The following MRPL16 variants were observed in gnomAD, a reference collection of about 807,000 sequenced individuals.
MRPL16 encodes the protein mitochondrial ribosomal protein L16.
MRPL16 carries 17 observed loss-of-function variants against 22.7 expected under a neutral mutation model. The ratio of observed to expected loss-of-function variants is 0.75; its 90% CI spans 0.51 to 1.12. The LOEUF is 1.12. Ranked by LOEUF, MRPL16 falls within the 50% of genes most tolerant of loss-of-function variation. The probability of loss-of-function intolerance (pLI) is 0.00; values close to 1 mark genes in which losing one functional copy is unlikely to be tolerated. For synonymous variants in MRPL16, 103 were observed against 112.8 expected (o/e 0.91, Z 0.55); for missense variants, 316 against 328.7 (o/e 0.96, Z 0.30).
chr11:59,808,224 T>C (rs569988452), intron 2 of MRPL16, among the ~76,000 whole-genome samples: 1 of 152,370 alleles, frequency 6.6e-6, no homozygotes, highest in East Asian at 1.9e-4. Flanking sequence ...AGCAAAGTTT[T>C]ATCCTCTGAA....
intron 1 of MRPL16, 142 bp downstream of exon 1, chr11:59,810,462 G>C: frequency 6.7e-7 from 1 of 1,491,500 alleles, no homozygotes; most frequent in Non-Finnish European, 9.0e-7. Flanking sequence ...CTACGGTGGA[G>C]GTCGGCGGTG....
Position 59,806,189 on chromosome 11 carries a change from T to A in MRPL16, c.*158A>T. On this transcript the variant is annotated 3_prime_UTR_variant, in exon 4 of 4. Transcript: ENST00000300151. ...TTTAATAAAAATACAGTTTTCTTTT[T>A]AAATCAACAAATAACATTGTTTTTC... is the stretch of plus-strand genomic sequence containing the variant. 1.3e-6 allele frequency: 1 copy of A among 798,822 alleles called. No homozygotes were observed. Among genetic ancestry groups the A allele is most frequent in the East Asian group, 2.6e-5 (1 of 39,140 alleles). The allele number at this position is 798,822 out of a possible 1,614,324, so 49.5% of individuals were successfully genotyped here.
At chr11:59,808,804 G>A (rs1348902740) in intron 2 of MRPL16, 1 of 152,160 alleles carries the variant, frequency 6.6e-6, no homozygotes, top group African/African-American at 2.4e-5. Flanking sequence ...GACCTGCACA[G>A]GTCAGTGTGC....
chr11:59,808,876 A>G (rs1866141674), intron 2 of MRPL16: 1 of 152,176 alleles, frequency 6.6e-6, no homozygotes, highest in South Asian at 2.1e-4. Context: ...TATCATCCTT[A>G]CTTGACGATT....
rs763449921 is a variant in MRPL16 at position 59,806,457 on chromosome 11, C to G, written c.646G>C (p.Glu216Gln). ...AGCATGTTGGCAGTGGCTATTCGCT[C>G]AAATGTCCAGGGGTTCTGGTTGTTA... is the stretch of plus-strand genomic sequence containing the variant. Reference protein sequence around the residue: ...ERNNQNPWTFERIATANMLGI... With the variant: ...ERNNQNPWTFQRIATANMLGI... Residue 216 changes from glutamate to glutamine, a missense_variant, in exon 4 of 4, where the codon GAG (glutamate) becomes CAG (glutamine). Coordinates refer to ENST00000300151, the MANE Select transcript of MRPL16 (RefSeq NM_017840.4). The G allele has an allele frequency of 1.2e-6, 2 of 1,614,126 alleles. No individual in the cohort carries two copies. Among genetic ancestry groups the G allele is most frequent in the East Asian group, 2.2e-5 (1 of 44,900 alleles).
chr11:59,806,567 A>T lies in MRPL16; in HGVS notation c.536T>A (p.Val179Asp), dbSNP rs753828074. The T allele has an allele frequency of 3.7e-6, 6 of 1,614,258 alleles. No individual in the cohort carries two copies. Among genetic ancestry groups the T allele is most frequent in the Non-Finnish European group, 5.1e-6 (6 of 1,180,044 alleles). ...TGCTGCGAAGGGCAACTTGTGGGCAACCTGGTCAAGGAAACCTTGCACTTC... is the reference window on the plus strand; with the variant it reads ...TGCTGCGAAGGGCAACTTGTGGGCATCCTGGTCAAGGAAACCTTGCACTTC... ...FEEVQGFLDQVAHKLPFAAKA... is the reference protein window; with the variant it reads ...FEEVQGFLDQDAHKLPFAAKA... Residue 179 changes from valine to aspartate, a missense_variant, in exon 4 of 4, where the codon GTT becomes GAT. Val to Asp is a radical substitution (Grantham distance 152, BLOSUM62 -3). Transcript: ENST00000300151.
At chr11:59,808,088 A>G (rs1866132545) in intron 2 of MRPL16, among the ~76,000 whole-genome samples, 1 of 152,186 alleles carries the variant, frequency 6.6e-6, no homozygotes, top group African/African-American at 2.4e-5. Flanking sequence ...CCAGCCTGAA[A>G]GTCTTAAAGT....
intron 1 of MRPL16, chr11:59,810,123 A>T: frequency 1.6e-6 from 1 of 630,330 alleles, no homozygotes; most frequent in Non-Finnish European, 2.5e-6. Context: ...CTCCTGCCTC[A>T]GCCTCCGGAC....
chr11:59,809,931 A>G lies in MRPL16; in HGVS notation c.56-11T>C. On this transcript the variant is annotated splice_polypyrimidine_tract_variant and intron_variant, in intron 1 of 3. Transcript: ENST00000300151. ...GGAGTGCCCAGGAATCTACAAAGACAAATCAAGTTAAACGACGAAGGTAAC... is the reference window on the plus strand; with the variant it reads ...GGAGTGCCCAGGAATCTACAAAGACGAATCAAGTTAAACGACGAAGGTAAC... 6.2e-7 allele frequency: 1 copy of G among 1,610,044 alleles called. No individual in the cohort carries two copies. The highest frequency in any genetic ancestry group is 8.5e-7 in the Non-Finnish European group (1 of 1,178,370).
At position 59,806,263 on chromosome 11, in the gene MRPL16, A is replaced by G. The variant is rs1866084627; in HGVS notation, c.*84T>C. ...CTTAGTTATGGCTTAAGAGCTACCC[A>G]AAGACTTCAGTGGGTAGGCTGAGGG... is the stretch of plus-strand genomic sequence containing the variant. On this transcript the variant is annotated 3_prime_UTR_variant, in exon 4 of 4. Coordinates refer to ENST00000300151, the MANE Select transcript of MRPL16 (RefSeq NM_017840.4). 4 of 1,490,968 alleles carry G rather than the reference A, an allele frequency of 2.7e-6. No individual in the cohort carries two copies. In the South Asian group the frequency reaches 5.3e-5, roughly 20 times the overall value. The allele number at this position is 1,490,968 out of a possible 1,614,324, so 92.4% of individuals were successfully genotyped here.
At chr11:59,808,586 C>T (rs1029131571) in intron 2 of MRPL16, 7 of 152,182 alleles carry the variant, frequency 4.6e-5, no homozygotes, top group African/African-American at 1.7e-4. Flanking sequence ...TCCAGTTCAA[C>T]AGCAAAGCTA....
At chr11:59,810,268 C>G (rs1440037231) in intron 1 of MRPL16, 1 of 1,233,576 alleles carries the variant, frequency 8.1e-7, no homozygotes, top group Non-Finnish European at 1.0e-6. Context: ...CTCGGCCTCC[C>G]AAAGTGCTGC....
chr11:59,810,050 G>A, intron 1 of MRPL16, 130 bp from the exon 2 acceptor site: 1 of 808,282 alleles, frequency 1.2e-6, no homozygotes, highest in Non-Finnish European at 1.8e-6. Flanking sequence ...CTGTCGCCCA[G>A]GATCCAGTGC....
At chr11:59,809,163 G>A (rs1866146361) in intron 2 of MRPL16, among the ~76,000 whole-genome samples, 1 of 152,060 alleles carries the variant, frequency 6.6e-6, no homozygotes, top group Non-Finnish European at 1.5e-5. Context: ...CATTTTTTTT[G>A]AGGGTTCCAG....
Position 59,806,771 on chromosome 11 carries a change from C to CG in MRPL16, c.331dup (p.Arg111ProfsTer38). ...AAACATGTTCTTGGGGTCCATAGAG[C>CG]GGTTGATTGTCAGGCGCATCATTTC... On this transcript the variant is annotated frameshift_variant, in exon 4 of 4. Coordinates refer to ENST00000300151, the MANE Select transcript of MRPL16 (RefSeq NM_017840.4). LOFTEE classifies it high-confidence loss of function. The CG allele has an allele frequency of 2.5e-6, 4 of 1,613,692 alleles. No individual in the cohort carries two copies. Among genetic ancestry groups the CG allele is most frequent in the Non-Finnish European group, 3.4e-6 (4 of 1,179,620 alleles).
Position 59,806,648 on chromosome 11 carries a change from G to A in MRPL16, c.455C>T (p.Thr152Ile), listed in dbSNP as rs375961327. ...AACAAGGCGGCCAGCCTTCACAGGT[G>A]TCACGTAGTGGTCAATAGCACCTTT... ...GGKGAIDHYV[T>I]PVKAGRLVVE... The change falls in exon 4 of 4, where the codon ACA becomes ATA. Residue 152 changes from threonine to isoleucine, a missense_variant. Thr to Ile is a moderately conservative substitution (Grantham distance 89). Transcript: ENST00000300151. The A allele has an allele frequency of 3.3e-5, 54 of 1,614,112 alleles. No homozygotes were observed. The Middle Eastern group carries it at 8.2e-4, about 25-fold the overall frequency.
chr11:59,809,815 A>G (rs1362234537), intron 2 of MRPL16, 40 bp downstream of exon 2: 3 of 1,564,616 alleles, frequency 1.9e-6, no homozygotes, highest in Non-Finnish European at 2.6e-6. Flanking sequence ...GGTTTCCATC[A>G]GAGAAAAGAT....
chr11:59,810,760 G>A lies in MRPL16; in HGVS notation c.-102C>T, dbSNP rs1434997393. The A allele has an allele frequency of 2.2e-6, 3 of 1,345,430 alleles. No homozygotes were observed. The highest frequency in any genetic ancestry group is 2.9e-5 in the African/African-American group (2 of 69,260). 83.3% of individuals were successfully genotyped at this position (1,345,430 alleles called of 1,614,324 possible). A position where few individuals can be genotyped will look rare whatever the true frequency, so the allele number is the denominator to read the frequency against. On this transcript the variant is annotated 5_prime_UTR_variant, in exon 1 of 4. Transcript: ENST00000300151. The stretch of plus-strand genomic sequence containing the variant: ...CCACTACCTAGCTGTAATCGGCTCA[G>A]GACACCGCTCAGTGGGGCCGGAAGT...
chr11:59,810,568 G>A (rs1241394711), intron 1 of MRPL16, 36 bp downstream of exon 1: 2 of 1,613,440 alleles, frequency 1.2e-6, no homozygotes, highest in African/African-American at 1.3e-5. Flanking sequence ...GGAGGAAGAG[G>A]GGTAAAGTCT....
Sources: gnomAD v4.1 joint callset for allele counts (sites outside exome capture counted in the v4.1 genomes callset) on GRCh38, gnomAD v4.1.1 for gene constraint, MANE v1.5 for transcripts, NCBI Gene and HGNC (gene_info 2026-07-23, HGNC 2026-07-21) for gene names.